The following ANO6 variants were observed in gnomAD, a reference collection of about 807,000 sequenced individuals.
The protein encoded by ANO6 is anoctamin-6.
A neutral mutation model predicts 117.5 loss-of-function variants in ANO6; 106 were observed. The ratio of observed to expected loss-of-function variants is 0.90; its 90% CI spans 0.77 to 1.06. ANO6 has a LOEUF of 1.06. ANO6 is among the 50% of genes least tolerant of loss of function. The pLI is 0.00. For missense variants in ANO6, 955 were observed against 1,121.1 expected (o/e 0.85, Z 2.12); for synonymous variants, 367 against 385.1 (o/e 0.95, Z 0.55).
intron 12 of ANO6, among the ~76,000 whole-genome samples, chr12:45,392,512 C>T (rs932355626): frequency 1.2e-4 from 18 of 152,234 alleles, no homozygotes; most frequent in Non-Finnish European, 2.5e-4. Context: ...CCCAGCACAG[C>T]GTTTGAGCTC....
intron 12 of ANO6, among the ~76,000 whole-genome samples, chr12:45,399,522 T>G (rs1464926526): frequency 6.6e-6 from 1 of 152,030 alleles, no homozygotes; most frequent in Non-Finnish European, 1.5e-5. Context: ...GCTTTCTCTA[T>G]TGATGGGTGA....
intron 10 of ANO6, among the ~76,000 whole-genome samples, chr12:45,378,777 A>G (rs1421732492): frequency 1.3e-5 from 2 of 152,126 alleles, no homozygotes; most frequent in Admixed American, 6.5e-5. Flanking sequence ...GGGGGTGGAG[A>G]TCAGGAGGAA....
chr12:45,307,667 A>G (rs186688625), intron 2 of ANO6, among the ~76,000 whole-genome samples: 1 of 152,136 alleles, frequency 6.6e-6, no homozygotes, highest in Non-Finnish European at 1.5e-5. Flanking sequence ...ACGAAATGAG[A>G]GCAGCAAGGA....
downstream of ANO6, among the ~76,000 whole-genome samples, chr12:45,435,715 A>G (rs954383597): frequency 8.4e-4 from 12 of 14,334 alleles, no homozygotes; most frequent in Non-Finnish European, 0.02. Context: ...AACTCACTGA[A>G]AAAAAAAAAT....
chr12:45,385,982 G>A (rs1033822020), intron 10 of ANO6, among the ~76,000 whole-genome samples: 4 of 152,194 alleles, frequency 2.6e-5, no homozygotes, highest in African/African-American at 4.8e-5. Context: ...CTGCTGCAGG[G>A]TCTGCAGGAT....
chr12:45,320,817 A>C (rs188430366), intron 2 of ANO6, among the ~76,000 whole-genome samples: 9 of 152,138 alleles, frequency 5.9e-5, no homozygotes, highest in African/African-American at 2.2e-4. Flanking sequence ...TTGGGTGGAT[A>C]TATATTTAGG....
chr12:45,365,328 A>C (rs1219390824), intron 8 of ANO6, among the ~76,000 whole-genome samples: 1 of 152,086 alleles, frequency 6.6e-6, no homozygotes, highest in Non-Finnish European at 1.5e-5. Context: ...CAATCTCAGG[A>C]ATATGTTGGA....
At chr12:45,292,877 G>A (rs1939148715) in intron 1 of ANO6, 4 of 1,550,478 alleles carry the variant, frequency 2.6e-6, no homozygotes, top group Non-Finnish European at 3.5e-6. Flanking sequence ...AAGCGTCAAG[G>A]ACTCACCGAA....
downstream of ANO6, among the ~76,000 whole-genome samples, chr12:45,435,138 T>C (rs747801605): frequency 6.6e-6 from 1 of 152,210 alleles, no homozygotes; most frequent in Non-Finnish European, 1.5e-5. Context: ...AATGGATCCC[T>C]GGATGTCTCC....
At chr12:45,251,871 A>G (rs1313619147) in intron 1 of ANO6, among the ~76,000 whole-genome samples, 1 of 152,220 alleles carries the variant, frequency 6.6e-6, no homozygotes, top group Non-Finnish European at 1.5e-5. Flanking sequence ...TTGAAAAGAC[A>G]GCCTTCTGCC....
intron 2 of ANO6, 53 bp from the exon 3 acceptor site, chr12:45,331,242 C>T: frequency 4.7e-6 from 7 of 1,482,308 alleles, no homozygotes; most frequent in Non-Finnish European, 6.5e-6. Context: ...ACTTATAAGT[C>T]AGCATTTTTT....
intron 9 of ANO6, 80 bp downstream of exon 9, chr12:45,367,873 T>C (rs1941726788): frequency 1.9e-6 from 2 of 1,062,500 alleles, no homozygotes; most frequent in Non-Finnish European, 2.9e-6. Context: ...CATAGTATTG[T>C]ATCTTTTTTC....
chr12:45,292,742 A>G, intron 1 of ANO6: 8 of 1,417,866 alleles, frequency 5.6e-6, no homozygotes, highest in Non-Finnish European at 6.5e-6. Context: ...CTGAAACAAC[A>G]CCAAACATGG....
At chr12:45,412,223 GT>G (rs1365372777) in intron 16 of ANO6, among the ~76,000 whole-genome samples, 2 of 152,168 alleles carry the variant, frequency 1.3e-5, no homozygotes, top group African/African-American at 4.8e-5. Flanking sequence ...CATAAATACT[GT>G]TTTGTACTCA....
In ANO6 at chr12:45,430,203, TAATTGTCTGGAA is replaced by T; in HGVS notation, c.*895_*906del. ...GATTAAAATTACATTTTTATCAACA[TAATTGTCTGGAA>T]AAGATAAGCCCCTCAATTTTCTACC... On this transcript the variant is annotated 3_prime_UTR_variant, in exon 20 of 20. Coordinates refer to ENST00000320560, the MANE Select transcript of ANO6 (RefSeq NM_001025356.3). The T allele has an allele frequency of 2.0e-6, 2 of 985,446 alleles. No homozygotes were observed. The highest frequency in any genetic ancestry group is 9.4e-5 in the South Asian group (2 of 21,288). The allele number at this position is 985,446 out of a possible 1,614,324, so 61.0% of individuals were successfully genotyped here. A position where few individuals can be genotyped will look rare whatever the true frequency, so the allele number is the denominator to read the frequency against.
At chr12:45,333,896 A>G (rs1940749072) in intron 3 of ANO6, among the ~76,000 whole-genome samples, 1 of 152,052 alleles carries the variant, frequency 6.6e-6, no homozygotes, top group Non-Finnish European at 1.5e-5. Flanking sequence ...TGTAAACCAT[A>G]TTGATTTCCT....
chr12:45,255,818 G>GTTTTGTTTTTTTTTTT (rs1937797782), intron 1 of ANO6, among the ~76,000 whole-genome samples: 2 of 81,714 alleles, frequency 2.4e-5, no homozygotes, highest in South Asian at 9.2e-4. Flanking sequence ...CTCCCTGGGT[G>GTTTTGTTTTTTTTTTT]TTTTTTTTTT....
intron 2 of ANO6, among the ~76,000 whole-genome samples, chr12:45,322,293 A>ATAGGCGGTAAGGAG (rs2137371926): frequency 1.3e-5 from 2 of 151,216 alleles, no homozygotes; most frequent in South Asian, 4.2e-4. Flanking sequence ...TAAGATTTGG[A>ATAGGCGGTAAGGAG]TAGGTGGTTA....
chr12:45,229,177 A>G (rs1947534624), intron 1 of ANO6, among the ~76,000 whole-genome samples: 1 of 152,106 alleles, frequency 6.6e-6, no homozygotes, highest in African/African-American at 2.4e-5. Context: ...TCTGTGGTGA[A>G]AGATTATTTC....
Sources: gnomAD v4.1 joint callset for allele counts (sites outside exome capture counted in the v4.1 genomes callset) on GRCh38, gnomAD v4.1.1 for gene constraint, MANE v1.5 for transcripts, NCBI Gene and HGNC (gene_info 2026-07-23, HGNC 2026-07-21) for gene names.